MLLT3: variants seen among roughly 807,000 people sequenced by gnomAD.
The protein encoded by MLLT3 is protein AF-9.
In MLLT3, 4 loss-of-function variants were observed where a neutral mutation model predicts 53.2. That is an observed-to-expected ratio of 0.08 (90% CI 0.04 to 0.17). The LOEUF is 0.17. MLLT3 is among the 10% of genes least tolerant of loss of function. The pLI is 1.00. For synonymous variants in MLLT3, 283 were observed against 230.6 expected (o/e 1.23, Z -2.06); for missense variants, 569 against 684.0 (o/e 0.83, Z 1.87).
intron 2 of MLLT3, among the ~76,000 whole-genome samples, chr9:20,606,884 A>G (rs1314964569): frequency 6.6e-6 from 1 of 152,108 alleles, no homozygotes; most frequent in African/African-American, 2.4e-5. Flanking sequence ...ATTCTTTTGG[A>G]TCATTTGCCC....
intron 5 of MLLT3, among the ~76,000 whole-genome samples, chr9:20,371,925 C>T (rs984359658): frequency 6.6e-6 from 1 of 152,154 alleles, no homozygotes; most frequent in Non-Finnish European, 1.5e-5. Flanking sequence ...TATGAACATT[C>T]ATGATTCACA....
chr9:20,603,032 G>A (rs1820470752), intron 2 of MLLT3, among the ~76,000 whole-genome samples: 1 of 151,988 alleles, frequency 6.6e-6, no homozygotes, highest in Admixed American at 6.6e-5. Flanking sequence ...ATCATTTTTA[G>A]ATATATACAT....
chr9:20,431,010 A>G (rs1823254629), intron 4 of MLLT3, among the ~76,000 whole-genome samples: 1 of 152,168 alleles, frequency 6.6e-6, no homozygotes, highest in Non-Finnish European at 1.5e-5. Context: ...GCAAAATAAG[A>G]GAATAATGAT....
At chr9:20,438,820 T>C (rs1245355968) in intron 4 of MLLT3, among the ~76,000 whole-genome samples, 2 of 152,180 alleles carry the variant, frequency 1.3e-5, no homozygotes, top group Non-Finnish European at 2.9e-5. Flanking sequence ...CACAAGTTCA[T>C]GTAAAGGCTG....
intron 2 of MLLT3, among the ~76,000 whole-genome samples, chr9:20,461,094 CTCTT>C (rs1025469036): frequency 2.0e-5 from 3 of 152,188 alleles, no homozygotes; most frequent in Non-Finnish European, 2.9e-5. Flanking sequence ...TTTCAAAACT[CTCTT>C]TGTCTAATTA....
chr9:20,359,221 G>A (rs1286868148), intron 8 of MLLT3, among the ~76,000 whole-genome samples: 1 of 144,940 alleles, frequency 6.9e-6, no homozygotes, highest in Non-Finnish European at 1.5e-5. Flanking sequence ...TCTCACTGAA[G>A]CACAAATTTA....
intron 6 of MLLT3, among the ~76,000 whole-genome samples, chr9:20,365,145 T>C (rs1821417863): frequency 6.6e-6 from 1 of 152,218 alleles, no homozygotes. Context: ...TATAATCCTT[T>C]TGTAGCAATG....
intron 2 of MLLT3, among the ~76,000 whole-genome samples, chr9:20,473,165 C>T (rs774515258): frequency 6.6e-6 from 1 of 152,118 alleles, no homozygotes; most frequent in Admixed American, 6.6e-5. Flanking sequence ...TTCTCATATA[C>T]TCACGTAGTC....
chr9:20,509,612 T>G (rs749122221), intron 2 of MLLT3, among the ~76,000 whole-genome samples: 1 of 152,208 alleles, frequency 6.6e-6, no homozygotes, highest in African/African-American at 2.4e-5. Flanking sequence ...AAATACTGTA[T>G]GATACCATGT....
chr9:20,406,387 A>G (rs1822578055), intron 5 of MLLT3, among the ~76,000 whole-genome samples: 1 of 152,224 alleles, frequency 6.6e-6, no homozygotes, highest in Admixed American at 6.5e-5. Context: ...GGAAGTACCT[A>G]CCACATACAT....
intron 4 of MLLT3, among the ~76,000 whole-genome samples, chr9:20,429,500 T>C (rs749299586): frequency 4.6e-5 from 7 of 151,826 alleles, no homozygotes; most frequent in Non-Finnish European, 8.8e-5. Context: ...AGAATATAAA[T>C]GCAAAAATTT....
intron 4 of MLLT3, among the ~76,000 whole-genome samples, chr9:20,440,590 C>T (rs1823522944): frequency 6.6e-6 from 1 of 152,184 alleles, no homozygotes; most frequent in Admixed American, 6.5e-5. Flanking sequence ...TCACAGACAA[C>T]TCCCTTACCA....
chr9:20,596,691 T>C lies in MLLT3; in HGVS notation c.193+23963A>G, dbSNP rs118012804. 9.9e-3 allele frequency among the ~76,000 whole-genome samples: 1,507 copies of C among 152,130 alleles called. 61 individuals carry two copies. In the East Asian group the frequency reaches 0.14, roughly 14 times the overall value. ...GGCTGGGCCACAAAGCAAGACTCCATCTCAAAAAATAAATAAATAAAATAA... is the reference window on the plus strand; with the variant it reads ...GGCTGGGCCACAAAGCAAGACTCCACCTCAAAAAATAAATAAATAAAATAA... On this transcript the variant is annotated intron_variant, in intron 2 of 10. Coordinates refer to ENST00000380338, the MANE Select transcript of MLLT3 (RefSeq NM_004529.4).
At chr9:20,438,279 A>G (rs1462569127) in intron 4 of MLLT3, among the ~76,000 whole-genome samples, 1 of 152,226 alleles carries the variant, frequency 6.6e-6, no homozygotes, top group Non-Finnish European at 1.5e-5. Flanking sequence ...GCCACTGCAA[A>G]TGGTTGTCCA....
In MLLT3 at chr9:20,577,581, C is replaced by G. The variant is rs116194952; in HGVS notation, c.193+43073G>C. ...CATCTCTCACTTTCATACCAATATACCAACCACTTGGGCAATTATCACAGA... is the reference window on the plus strand; with the variant it reads ...CATCTCTCACTTTCATACCAATATAGCAACCACTTGGGCAATTATCACAGA... On this transcript the variant is annotated intron_variant, in intron 2 of 10. Coordinates refer to ENST00000380338, the MANE Select transcript of MLLT3 (RefSeq NM_004529.4). Among the ~76,000 whole-genome samples, 684 of 152,262 alleles carry G rather than the reference C, an allele frequency of 4.5e-3. 3 individuals are homozygous for G. The highest frequency in any genetic ancestry group is 0.016 in the African/African-American group (650 of 41,538).
At chr9:20,435,298 C>G (rs1028853530) in intron 4 of MLLT3, among the ~76,000 whole-genome samples, 3 of 152,134 alleles carry the variant, frequency 2.0e-5, no homozygotes, top group African/African-American at 7.2e-5. Context: ...CCTGCCTCAG[C>G]CTCCTTAGTA....
intron 2 of MLLT3, among the ~76,000 whole-genome samples, chr9:20,525,126 TA>T (rs757232208): frequency 0.062 from 3,473 of 56,150 alleles, 82 homozygotes; most frequent in African/African-American, 0.13. Context: ...GAAGAAAGAC[TA>T]AAAAAAAAAA....
chr9:20,577,921 C>A (rs1819694808), intron 2 of MLLT3, among the ~76,000 whole-genome samples: 1 of 152,162 alleles, frequency 6.6e-6, no homozygotes, highest in South Asian at 2.1e-4. Context: ...GGGAATCATT[C>A]CTAGAAATTT....
At chr9:20,420,869 C>T (rs1462430786) in intron 4 of MLLT3, among the ~76,000 whole-genome samples, 5 of 152,108 alleles carry the variant, frequency 3.3e-5, no homozygotes, top group Admixed American at 6.5e-5. Flanking sequence ...TATATGTATC[C>T]ATAGAACACT....
Sources: allele counts gnomAD v4.1 joint callset (sites outside exome capture counted in the v4.1 genomes callset), GRCh38; gene constraint gnomAD v4.1.1; transcripts MANE v1.5; gene names NCBI Gene and HGNC (gene_info 2026-07-23, HGNC 2026-07-21).